LRP1B: variants seen among roughly 807,000 people sequenced by gnomAD.
LRP1B encodes low-density lipoprotein receptor-related protein 1B.
A neutral mutation model predicts 556.6 loss-of-function variants in LRP1B; 217 were observed. The observed-to-expected ratio is 0.39, with a 90% CI of 0.35 to 0.44. The LOEUF (loss-of-function observed/expected upper bound fraction) is 0.44, where lower values mean the gene tolerates loss of function less well. Ranked by LOEUF, LRP1B falls within the 20% of genes least tolerant of loss-of-function variation. The probability of loss-of-function intolerance (pLI) is 1.00; values close to 1 mark genes in which losing one functional copy is unlikely to be tolerated. For synonymous variants in LRP1B, 2,047 were observed against 1,865.8 expected (o/e 1.10, Z -2.50); for missense variants, 5,053 against 5,620.8 (o/e 0.90, Z 3.23).
chr2:140,581,034 T>C (rs572885862), intron 43 of LRP1B, among the ~76,000 whole-genome samples: 1 of 152,328 alleles, frequency 6.6e-6, no homozygotes, highest in East Asian at 1.9e-4. Context: ...ACTAGTTGTG[T>C]AATTTGTTAT....
At chr2:141,852,063 C>A (rs1055603315) in intron 1 of LRP1B, among the ~76,000 whole-genome samples, 1 of 151,548 alleles carries the variant, frequency 6.6e-6, no homozygotes, top group Non-Finnish European at 1.5e-5. Context: ...AATTTTTATC[C>A]CCCTACTATA....
At chr2:141,951,760 G>C (rs10181812) in intron 1 of LRP1B, among the ~76,000 whole-genome samples, 56,907 of 151,922 alleles carry the variant, frequency 0.37, 11,542 homozygotes, top group Admixed American at 0.5. Context: ...GTTAACTTAT[G>C]TATAAATTAG....
intron 86 of LRP1B, among the ~76,000 whole-genome samples, chr2:140,262,415 A>G (rs1328292701): frequency 6.6e-6 from 1 of 152,208 alleles, no homozygotes; most frequent in African/African-American, 2.4e-5. Context: ...TAGTATCATC[A>G]TCTTAAAGAG....
intron 77 of LRP1B, among the ~76,000 whole-genome samples, chr2:140,337,563 A>T (rs981023691): frequency 6.6e-6 from 1 of 151,882 alleles, no homozygotes; most frequent in Non-Finnish European, 1.5e-5. Flanking sequence ...AGTGTGAATC[A>T]TAAATCTACA....
intron 7 of LRP1B, among the ~76,000 whole-genome samples, chr2:141,144,421 A>AT (rs1701732328): frequency 1.3e-5 from 2 of 152,342 alleles, no homozygotes; most frequent in South Asian, 4.1e-4. Flanking sequence ...AAACTTGATC[A>AT]TTTCATGCAG....
intron 7 of LRP1B, among the ~76,000 whole-genome samples, chr2:141,094,971 G>C (rs1266312323): frequency 1.3e-5 from 2 of 152,182 alleles, no homozygotes; most frequent in Non-Finnish European, 2.9e-5. Flanking sequence ...TGTTGAGAGA[G>C]TGGGGCCTAG....
chr2:140,764,948 G>A (rs1325674470), intron 35 of LRP1B, among the ~76,000 whole-genome samples: 1 of 152,076 alleles, frequency 6.6e-6, no homozygotes, highest in Admixed American at 6.6e-5. Context: ...ATTTCCTCTA[G>A]TAAGTTCCAG....
intron 2 of LRP1B, among the ~76,000 whole-genome samples, chr2:141,692,396 G>A (rs1375874699): frequency 1.3e-5 from 2 of 151,982 alleles, no homozygotes; most frequent in African/African-American, 4.8e-5. Flanking sequence ...CAAGGACTTT[G>A]AATCAACTGT....
At chr2:141,640,127 A>G (rs1338977097) in intron 2 of LRP1B, among the ~76,000 whole-genome samples, 2 of 152,202 alleles carry the variant, frequency 1.3e-5, no homozygotes, top group African/African-American at 2.4e-5. Context: ...AAGAAAAATT[A>G]ATGCCTCAGT....
In LRP1B at chr2:140,541,842, G is replaced by T. The variant is rs760574648; in HGVS notation, c.7324C>A (p.Leu2442Ile). The T allele has an allele frequency of 4.3e-6, 7 of 1,612,686 alleles. No individual in the cohort carries two copies. In the Admixed American group the frequency reaches 5.0e-5, roughly 12 times the overall value. ...NKYTGGDTKI[L>I]RSDIPHQPMG... Reference sequence around the variant, plus strand: ...GGCTGATGTGGAATATCGGAACGAAGAATTTTTGTATCTCCTCCTGTGTAC... The same window carrying T: ...GGCTGATGTGGAATATCGGAACGAATAATTTTTGTATCTCCTCCTGTGTAC... Residue 2442 changes from leucine to isoleucine, a missense_variant, in exon 44 of 91, where the codon CTT (leucine) becomes ATT (isoleucine). Leu to Ile is a conservative substitution (Grantham distance 5). Around this residue, in one of 5 missense-constraint regions of LRP1B, gnomAD observed 3,619 missense variants for 3,931.9 expected, o/e 0.92. Coordinates refer to ENST00000389484, the MANE Select transcript of LRP1B (RefSeq NM_018557.3).
At chr2:141,086,706 A>T (rs937533789) in intron 7 of LRP1B, among the ~76,000 whole-genome samples, 1 of 152,012 alleles carries the variant, frequency 6.6e-6, no homozygotes, top group African/African-American at 2.4e-5. Flanking sequence ...GTCTGCACAA[A>T]TAGGTCATAT....
At chr2:142,081,717 G>C (rs143698002) in intron 1 of LRP1B, among the ~76,000 whole-genome samples, 1,785 of 152,198 alleles carry the variant, frequency 0.012, 13 homozygotes, top group Non-Finnish European at 0.018. Flanking sequence ...GGGCTCAAGC[G>C]ATCCTCCTGC....
chr2:140,412,680 TTC>T (rs1478832523), intron 66 of LRP1B, among the ~76,000 whole-genome samples: 1 of 152,036 alleles, frequency 6.6e-6, no homozygotes, highest in African/African-American at 2.4e-5. Flanking sequence ...TAAATATGAT[TTC>T]TTTTTACATC....
intron 1 of LRP1B, among the ~76,000 whole-genome samples, chr2:142,119,741 T>C (rs896467036): frequency 7.2e-5 from 11 of 152,262 alleles, no homozygotes; most frequent in Admixed American, 5.2e-4. Context: ...TCCTCCTTTG[T>C]CTTTCTTTGC....
chr2:141,024,277 C>T (rs1698154917), intron 11 of LRP1B, among the ~76,000 whole-genome samples: 1 of 151,982 alleles, frequency 6.6e-6, no homozygotes, highest in South Asian at 2.1e-4. Context: ...TTCTCAACCT[C>T]ATTTTCATTC....
chr2:140,445,336 C>T (rs539091685), intron 63 of LRP1B, among the ~76,000 whole-genome samples: 110 of 152,062 alleles, frequency 7.2e-4, no homozygotes, highest in Middle Eastern at 3.4e-3. Context: ...AGGCTGGTCT[C>T]GAACTCCGGA....
intron 3 of LRP1B, among the ~76,000 whole-genome samples, chr2:141,317,598 T>G (rs866866087): frequency 1.3e-5 from 2 of 152,150 alleles, no homozygotes; most frequent in African/African-American, 4.8e-5. Context: ...TGTATACCTA[T>G]CTCCTTTGAA....
intron 41 of LRP1B, among the ~76,000 whole-genome samples, chr2:140,610,038 A>C (rs1347358974): frequency 2.2e-5 from 3 of 139,230 alleles, no homozygotes; most frequent in Non-Finnish European, 3.1e-5. Context: ...ATCTATAAAA[A>C]CTCAGGTTTG....
At chr2:140,781,241 C>T (rs578125608) in intron 32 of LRP1B, among the ~76,000 whole-genome samples, 1 of 152,234 alleles carries the variant, frequency 6.6e-6, no homozygotes, top group South Asian at 2.1e-4. Context: ...CAAGAATGAC[C>T]AGTGTGAATC....
Sources: allele counts gnomAD v4.1 joint callset (sites outside exome capture counted in the v4.1 genomes callset), GRCh38; gene constraint gnomAD v4.1.1; regional missense constraint gnomAD v4.1.1; transcripts MANE v1.5; gene names NCBI Gene and HGNC (gene_info 2026-07-23, HGNC 2026-07-21).